The following NRXN3 variants were observed in gnomAD, a reference collection of about 807,000 sequenced individuals.
NRXN3 encodes the protein neurexin 3.
In NRXN3, 32 loss-of-function variants were observed where a neutral mutation model predicts 137.6. That is an observed-to-expected ratio of 0.23 (90% CI 0.18 to 0.31). The LOEUF (loss-of-function observed/expected upper bound fraction) is 0.31, where lower values mean the gene tolerates loss of function less well. Ranked by LOEUF, NRXN3 falls within the 10% of genes least tolerant of loss-of-function variation. The probability of loss-of-function intolerance (pLI) is 1.00; values close to 1 mark genes in which losing one functional copy is unlikely to be tolerated. For synonymous variants in NRXN3, 798 were observed against 784.5 expected (o/e 1.02, Z -0.29); for missense variants, 1,574 against 2,062.5 (o/e 0.76, Z 4.59).
At chr14:78,399,535 A>C (rs1180498806) in intron 4 of NRXN3, among the ~76,000 whole-genome samples, 45 of 152,190 alleles carry the variant, frequency 3.0e-4, no homozygotes, top group Admixed American at 2.5e-3. Flanking sequence ...TCTCAGACTC[A>C]GTGCATGAGA....
At chr14:78,533,099 C>CTTTTTTT (rs71452898) in intron 4 of NRXN3, among the ~76,000 whole-genome samples, 13 of 120,060 alleles carry the variant, frequency 1.1e-4, no homozygotes, top group African/African-American at 1.9e-4. Flanking sequence ...TCCCTCCAGC[C>CTTTTTTT]TTTTTTTTTT....
chr14:79,180,426 A>C (rs1174371240), intron 15 of NRXN3, among the ~76,000 whole-genome samples: 2 of 152,214 alleles, frequency 1.3e-5, no homozygotes, highest in Non-Finnish European at 2.9e-5. Context: ...ATATCTGAGC[A>C]TTTTTAAAAA....
chr14:79,652,756 TA>T (rs2098483187), intron 16 of NRXN3, among the ~76,000 whole-genome samples: 1 of 152,050 alleles, frequency 6.6e-6, no homozygotes, highest in Non-Finnish European at 1.5e-5. Context: ...TTCCTTTTCA[TA>T]TTTCTGCTTG....
At chr14:78,295,455 G>A (rs1596973264) in intron 3 of NRXN3, among the ~76,000 whole-genome samples, 1 of 152,156 alleles carries the variant, frequency 6.6e-6, no homozygotes, top group East Asian at 1.9e-4. Context: ...AACACAGGTG[G>A]TGAGTTATTT....
At chr14:78,503,830 G>A (rs1025462356) in intron 4 of NRXN3, among the ~76,000 whole-genome samples, 10 of 152,144 alleles carry the variant, frequency 6.6e-5, no homozygotes, top group South Asian at 2.1e-4. Flanking sequence ...TGTTGTTCCA[G>A]CATGATAATC....
Position 78,990,307 on chromosome 14 carries a change from G to T in NRXN3, c.3262+2166G>T, listed in dbSNP as rs1468199726. ...TCCCCCACCTGGAGATTGGACCACGGCTTCTGTGATTGGATAGATACATAG... is the reference window on the plus strand; with the variant it reads ...TCCCCCACCTGGAGATTGGACCACGTCTTCTGTGATTGGATAGATACATAG... On this transcript the variant is annotated intron_variant, in intron 15 of 20. Coordinates refer to ENST00000335750, the MANE Select transcript of NRXN3 (RefSeq NM_001330195.2). 2.6e-5 allele frequency among the ~76,000 whole-genome samples: 4 copies of T among 151,226 alleles called. No individual in the cohort carries two copies. In the East Asian group the frequency reaches 5.8e-4, roughly 22 times the overall value.
At chr14:79,480,152 T>C (rs2096594143) in intron 16 of NRXN3, among the ~76,000 whole-genome samples, 1 of 152,200 alleles carries the variant, frequency 6.6e-6, no homozygotes, top group Non-Finnish European at 1.5e-5. Flanking sequence ...GCTTCTAATG[T>C]CTAGCAGCAG....
intron 19 of NRXN3, among the ~76,000 whole-genome samples, chr14:79,775,888 C>T (rs1414310052): frequency 1.3e-5 from 2 of 152,164 alleles, no homozygotes; most frequent in Non-Finnish European, 2.9e-5. Context: ...TGGTAAGGAT[C>T]AAACAATACC....
At chr14:78,754,351 C>T (rs2098657717) in intron 8 of NRXN3, among the ~76,000 whole-genome samples, 1 of 152,192 alleles carries the variant, frequency 6.6e-6, no homozygotes, top group Non-Finnish European at 1.5e-5. Context: ...GTACTCCCCA[C>T]CCCACACCGT....
At chr14:78,463,065 G>A (rs143653760) in intron 4 of NRXN3, among the ~76,000 whole-genome samples, 78 of 152,098 alleles carry the variant, frequency 5.1e-4, no homozygotes, top group African/African-American at 1.7e-3. Flanking sequence ...TGTACTCATT[G>A]TTAAGCTCCC....
intron 15 of NRXN3, among the ~76,000 whole-genome samples, chr14:79,295,471 C>T (rs1249788265): frequency 1.3e-5 from 2 of 152,144 alleles, no homozygotes; most frequent in Non-Finnish European, 2.9e-5. Context: ...TTCACTGTAG[C>T]TTGAATATCT....
At chr14:79,286,729 T>C (rs1338745796) in intron 15 of NRXN3, among the ~76,000 whole-genome samples, 1 of 151,840 alleles carries the variant, frequency 6.6e-6, no homozygotes, top group Non-Finnish European at 1.5e-5. Context: ...TTAGGTGAGG[T>C]GGGAACAACT....
At chr14:79,243,797 T>C (rs1170073877) in intron 15 of NRXN3, among the ~76,000 whole-genome samples, 1 of 152,130 alleles carries the variant, frequency 6.6e-6, no homozygotes, top group African/African-American at 2.4e-5. Flanking sequence ...ATTGTAATCC[T>C]ATGGGACCAT....
intron 8 of NRXN3, among the ~76,000 whole-genome samples, chr14:78,761,488 A>T (rs1392153924): frequency 6.6e-6 from 1 of 152,152 alleles, no homozygotes; most frequent in African/African-American, 2.4e-5. Flanking sequence ...TAAGATATTT[A>T]GCTTGTTTAA....
chr14:78,803,846 C>T, intron 9 of NRXN3, 23 bp downstream of exon 9: 1 of 1,597,498 alleles, frequency 6.3e-7, no homozygotes, highest in East Asian at 2.2e-5. Context: ...GTACCCTCTG[C>T]CACTTCGTTT....
At chr14:78,920,475 C>T (rs754338400) in intron 10 of NRXN3, among the ~76,000 whole-genome samples, 59 of 152,114 alleles carry the variant, frequency 3.9e-4, no homozygotes, top group Non-Finnish European at 1.2e-4. Context: ...AAGCATTGAA[C>T]ACTGTATTTC....
chr14:78,524,403 GCCAAGGTT>G (rs758924434), intron 4 of NRXN3, among the ~76,000 whole-genome samples: 268 of 152,338 alleles, frequency 1.8e-3, no homozygotes, highest in Non-Finnish European at 2.9e-3. Flanking sequence ...CTGAACCAGA[GCCAAGGTT>G]CCAAAGGGAC....
intron 2 of NRXN3, among the ~76,000 whole-genome samples, chr14:78,262,833 T>C (rs767359671): frequency 3.9e-5 from 6 of 152,200 alleles, no homozygotes; most frequent in Non-Finnish European, 8.8e-5. Context: ...TTCCTTGATT[T>C]TAGGCTAGCA....
At chr14:78,923,528 A>C (rs563076311) in intron 10 of NRXN3, among the ~76,000 whole-genome samples, 1 of 152,294 alleles carries the variant, frequency 6.6e-6, no homozygotes, top group Non-Finnish European at 1.5e-5. Flanking sequence ...TTGATGTGCT[A>C]TTTTGTATAT....
Sources: gnomAD v4.1 joint callset for allele counts (sites outside exome capture counted in the v4.1 genomes callset) on GRCh38, gnomAD v4.1.1 for gene constraint, MANE v1.5 for transcripts, NCBI Gene and HGNC (gene_info 2026-07-23, HGNC 2026-07-21) for gene names.